The following NREP variants were observed in gnomAD, a reference collection of about 807,000 sequenced individuals.
The protein encoded by NREP is neuronal regeneration-related protein.
Under a neutral mutation model 8.6 loss-of-function variants are expected in NREP, and 5 were observed. That is an observed-to-expected ratio of 0.58 (90% CI 0.30 to 1.22). The LOEUF is 1.22. Ranked by LOEUF, NREP falls within the 50% of genes most tolerant of loss-of-function variation. NREP has a pLI of 0.07. For missense variants in NREP, 86 were observed against 82.5 expected (o/e 1.04, Z -0.17); for synonymous variants, 27 against 28.0 (o/e 0.96, Z 0.11).
intron 2 of NREP, among the ~76,000 whole-genome samples, chr5:111,915,743 C>T (rs1755038647): frequency 6.6e-6 from 1 of 152,108 alleles, no homozygotes; most frequent in Admixed American, 6.5e-5. Context: ...CTTGCTCTCC[C>T]TACCTGTGAT....
intron 2 of NREP, among the ~76,000 whole-genome samples, chr5:111,872,331 C>G (rs556136249): frequency 6.6e-6 from 1 of 152,276 alleles, no homozygotes; most frequent in South Asian, 2.1e-4. Context: ...AAGTCTTCAG[C>G]TGATTGGGTG....
intron 2 of NREP, among the ~76,000 whole-genome samples, chr5:111,930,287 C>G (rs1581228230): frequency 6.6e-6 from 1 of 152,044 alleles, no homozygotes; most frequent in African/African-American, 2.4e-5. Flanking sequence ...TGTTAGGCTC[C>G]CATAAGGACA....
At chr5:111,792,135 G>A (rs1480945096) in intron 2 of NREP, among the ~76,000 whole-genome samples, 1 of 152,170 alleles carries the variant, frequency 6.6e-6, no homozygotes, top group African/African-American at 2.4e-5. Flanking sequence ...TGTATATTTT[G>A]ACAGGCTGAC....
At chr5:111,888,219 G>A (rs1207895694) in intron 2 of NREP, among the ~76,000 whole-genome samples, 1 of 152,172 alleles carries the variant, frequency 6.6e-6, no homozygotes, top group Non-Finnish European at 1.5e-5. Context: ...TTAGTAAGAT[G>A]CAATATTTTA....
intron 2 of NREP, among the ~76,000 whole-genome samples, chr5:111,925,935 C>A (rs1755371226): frequency 6.6e-6 from 1 of 152,108 alleles, no homozygotes; most frequent in African/African-American, 2.4e-5. Flanking sequence ...TTTTGGTCTG[C>A]TATAAGAAAC....
intron 2 of NREP, among the ~76,000 whole-genome samples, chr5:111,825,808 G>A (rs1218554030): frequency 2.6e-5 from 4 of 152,056 alleles, no homozygotes; most frequent in Admixed American, 1.3e-4. Context: ...CTTGTCAGGA[G>A]GTCTATTCTC....
At chr5:111,805,312 C>G (rs1414865354) in intron 2 of NREP, among the ~76,000 whole-genome samples, 2 of 152,142 alleles carry the variant, frequency 1.3e-5, no homozygotes, top group Non-Finnish European at 2.9e-5. Context: ...AATTCCACAT[C>G]TAGAATTTTA....
At chr5:111,784,268 A>G (rs1751559305) in intron 2 of NREP, among the ~76,000 whole-genome samples, 1 of 152,122 alleles carries the variant, frequency 6.6e-6, no homozygotes. Context: ...AGTTTTGTCC[A>G]TATTTTACTG....
intron 2 of NREP, among the ~76,000 whole-genome samples, chr5:111,959,701 G>A (rs1250549224): frequency 6.6e-6 from 1 of 151,804 alleles, no homozygotes; most frequent in African/African-American, 2.4e-5. Context: ...TGTATATAAA[G>A]ACATTGAAAA....
At chr5:111,840,057 T>G (rs1287444258) in intron 2 of NREP, among the ~76,000 whole-genome samples, 1 of 152,116 alleles carries the variant, frequency 6.6e-6, no homozygotes, top group Admixed American at 6.6e-5. Flanking sequence ...AATCATTGTT[T>G]AGTGATTTAA....
At chr5:111,909,304 T>C (rs1265018802) in intron 2 of NREP, among the ~76,000 whole-genome samples, 1 of 152,058 alleles carries the variant, frequency 6.6e-6, no homozygotes, top group Admixed American at 6.6e-5. Flanking sequence ...TGCAAGAAGA[T>C]GAACTTAGAG....
intron 2 of NREP, among the ~76,000 whole-genome samples, chr5:111,777,427 G>A (rs1004268075): frequency 7.9e-5 from 12 of 151,988 alleles, no homozygotes; most frequent in African/African-American, 2.9e-4. Context: ...TCTCTGGAGA[G>A]GAAACCGGGT....
intron 2 of NREP, among the ~76,000 whole-genome samples, chr5:111,796,861 A>G (rs181619369): frequency 1.3e-5 from 2 of 152,322 alleles, no homozygotes; most frequent in Admixed American, 1.3e-4. Context: ...CTTGCATGAA[A>G]CCATTAAACA....
At chr5:111,945,534 A>AAAAATGAAAAAGGAAAGAAG (rs1554055305) in intron 2 of NREP, among the ~76,000 whole-genome samples, 2 of 322 alleles carry the variant, frequency 6.2e-3, no homozygotes, top group African/African-American at 0.011. Flanking sequence ...GAAAAAGAAG[A>AAAAATGAAAAAGGAAAGAAG]AAAAATGAAA....
intron 2 of NREP, among the ~76,000 whole-genome samples, chr5:111,829,982 A>T (rs545655485): frequency 6.6e-6 from 1 of 152,298 alleles, no homozygotes; most frequent in South Asian, 2.1e-4. Flanking sequence ...ATTTCCCAAA[A>T]GAATCTAGAC....
chr5:111,869,989 G>A (rs1753752927), intron 2 of NREP, among the ~76,000 whole-genome samples: 1 of 152,142 alleles, frequency 6.6e-6, no homozygotes, highest in Non-Finnish European at 1.5e-5. Context: ...CATAGATAGT[G>A]TTATATTGTG....
intron 2 of NREP, among the ~76,000 whole-genome samples, chr5:111,843,754 G>A (rs1333495123): frequency 6.6e-6 from 1 of 152,138 alleles, no homozygotes; most frequent in African/African-American, 2.4e-5. Context: ...GGAAGTGTTG[G>A]AAGGTGGGGT....
At chr5:111,840,007 G>A (rs1186762619) in intron 2 of NREP, among the ~76,000 whole-genome samples, 2 of 152,070 alleles carry the variant, frequency 1.3e-5, no homozygotes, top group Non-Finnish European at 2.9e-5. Flanking sequence ...GTGTTTCAGA[G>A]AGAAATGTGC....
At chr5:111,842,550 A>G (rs1460021446) in intron 2 of NREP, among the ~76,000 whole-genome samples, 2 of 152,334 alleles carry the variant, frequency 1.3e-5, no homozygotes, top group African/African-American at 2.4e-5. Flanking sequence ...TTGTGCATAC[A>G]TTAACAAATT....
Sources: allele counts gnomAD v4.1 joint callset (sites outside exome capture counted in the v4.1 genomes callset), GRCh38; gene constraint gnomAD v4.1.1; transcripts MANE v1.5; gene names NCBI Gene and HGNC (gene_info 2026-07-23, HGNC 2026-07-21).